The following TENM2 variants were observed in gnomAD, a reference collection of about 807,000 sequenced individuals.
TENM2 encodes teneurin transmembrane protein 2, also known as teneurin-2.
TENM2 carries 52 observed loss-of-function variants against 245.2 expected under a neutral mutation model. The observed-to-expected ratio is 0.21, with a 90% CI of 0.17 to 0.27. TENM2 has a LOEUF of 0.27. Ranked by LOEUF, TENM2 falls within the 10% of genes least tolerant of loss-of-function variation. TENM2 has a pLI of 1.00. For missense variants in TENM2, 3,046 were observed against 3,666.8 expected, an observed-to-expected ratio of 0.83 and a Z score of 4.37; for synonymous variants, 1,363 against 1,438.9, an observed-to-expected ratio of 0.95 and a Z score of 1.19.
At chr5:167,662,531 T>C (rs1378788671) in intron 2 of TENM2, among the ~76,000 whole-genome samples, 1 of 152,206 alleles carries the variant, frequency 6.6e-6, no homozygotes, top group Admixed American at 6.5e-5. Flanking sequence ...TCCACTTCCA[T>C]AAATCAGACT....
exon 18 of TENM2, chr5:168,203,760 G>C: frequency 6.2e-7 from 1 of 1,613,312 alleles, no homozygotes; most frequent in Non-Finnish European, 8.5e-7. Flanking sequence ...CCTCCTTCAG[G>C]GATTCGAGCT....
Position 167,886,789 on chromosome 5 carries a change from A to G in TENM2, c.712+10594A>G, listed in dbSNP as rs537505496. Among the ~76,000 whole-genome samples the G allele has an allele frequency of 3.3e-5, 5 of 152,202 alleles. No homozygotes were observed. In the East Asian group the frequency reaches 5.8e-4, roughly 18 times the overall value. On this transcript the variant is annotated intron_variant, in intron 3 of 28. Coordinates refer to ENST00000518659, the Ensembl canonical transcript of TENM2. ...GGCAAAACACTTAGTACAATGTTAAAACCCCAAAATAGTAGCTGTTTACTT... is the reference window on the plus strand; with the variant it reads ...GGCAAAACACTTAGTACAATGTTAAGACCCCAAAATAGTAGCTGTTTACTT...
the TENM2 span, among the ~76,000 whole-genome samples, chr5:167,089,777 C>T: frequency 1.3e-5 from 2 of 152,226 alleles, no homozygotes; most frequent in African/African-American, 4.8e-5. Flanking sequence ...AATATCACTT[C>T]GCTCAGGCCT....
At chr5:168,060,583 A>G (rs1280313940) in intron 6 of TENM2, among the ~76,000 whole-genome samples, 2 of 152,172 alleles carry the variant, frequency 1.3e-5, no homozygotes, top group Admixed American at 1.3e-4. Flanking sequence ...CCCTACTTTT[A>G]TTATCCTAGA....
intron 2 of TENM2, among the ~76,000 whole-genome samples, chr5:167,378,355 C>G (rs1017154373): frequency 1.3e-5 from 2 of 149,658 alleles, no homozygotes; most frequent in Non-Finnish European, 3.0e-5. Flanking sequence ...ACAGATGAAC[C>G]TGTCTTTCTT....
At chr5:167,153,395 A>C in the TENM2 span, among the ~76,000 whole-genome samples, 1 of 152,154 alleles carries the variant, frequency 6.6e-6, no homozygotes, top group Non-Finnish European at 1.5e-5. Flanking sequence ...TGTTTATTAA[A>C]TGGAAGTGGA....
intron 3 of TENM2, among the ~76,000 whole-genome samples, chr5:167,949,489 G>T (rs147482240): frequency 6.6e-6 from 1 of 152,200 alleles, no homozygotes; most frequent in Non-Finnish European, 1.5e-5. Context: ...TTTCATCCCT[G>T]AAAGAACCCA....
intron 4 of TENM2, among the ~76,000 whole-genome samples, chr5:167,992,673 G>A (rs369726620): frequency 2.0e-5 from 3 of 152,170 alleles, no homozygotes; most frequent in African/African-American, 7.2e-5. Context: ...GGAGGTGACA[G>A]TCATTCAGTT....
At chr5:167,565,727 G>T (rs1476855050) in intron 2 of TENM2, among the ~76,000 whole-genome samples, 1 of 152,130 alleles carries the variant, frequency 6.6e-6, no homozygotes, top group Non-Finnish European at 1.5e-5. Flanking sequence ...TTTAGCTAAT[G>T]CTATGTGCTG....
chr5:167,205,327 G>C, the TENM2 span, among the ~76,000 whole-genome samples: 2 of 152,174 alleles, frequency 1.3e-5, no homozygotes, highest in Non-Finnish European at 2.9e-5. Flanking sequence ...GTTGCAGTGA[G>C]CCAAGATCAC....
chr5:166,998,728 TA>T, the TENM2 span, among the ~76,000 whole-genome samples: 1 of 152,162 alleles, frequency 6.6e-6, no homozygotes, highest in Non-Finnish European at 1.5e-5. Context: ...AGTTATTAAA[TA>T]AATAAATACA....
chr5:167,431,961 G>GTATGTATATATA (rs1764269740), intron 2 of TENM2, among the ~76,000 whole-genome samples: 2 of 43,584 alleles, frequency 4.6e-5, no homozygotes, highest in Non-Finnish European at 1.4e-4. Context: ...ATATATATAT[G>GTATGTATATATA]TATATATATA....
intron 2 of TENM2, among the ~76,000 whole-genome samples, chr5:167,638,355 C>T (rs190375826): frequency 7.2e-5 from 11 of 152,244 alleles, no homozygotes; most frequent in African/African-American, 2.6e-4. Flanking sequence ...GTTAATAGCA[C>T]CCCAAGTCTG....
At chr5:167,790,580 T>G (rs749089490) in intron 2 of TENM2, among the ~76,000 whole-genome samples, 11 of 152,252 alleles carry the variant, frequency 7.2e-5, no homozygotes, top group Non-Finnish European at 2.9e-5. Flanking sequence ...GCCTGGACCC[T>G]TCAGATTATA....
At chr5:167,792,388 G>A (rs1002791764) in intron 2 of TENM2, among the ~76,000 whole-genome samples, 1 of 152,042 alleles carries the variant, frequency 6.6e-6, no homozygotes, top group African/African-American at 2.4e-5. Flanking sequence ...GCACATTTTG[G>A]GAGGAGATTC....
chr5:167,405,964 A>T (rs1762616597), intron 2 of TENM2, among the ~76,000 whole-genome samples: 1 of 152,104 alleles, frequency 6.6e-6, no homozygotes, highest in South Asian at 2.1e-4. Context: ...AGTGTTGTTT[A>T]TCATAGGCTG....
the TENM2 span, among the ~76,000 whole-genome samples, chr5:166,996,202 G>T: frequency 6.6e-6 from 1 of 152,154 alleles, no homozygotes; most frequent in East Asian, 2.0e-4. Flanking sequence ...AATTAGCCGG[G>T]CGTGGTGGCG....
At chr5:168,109,409 A>G (rs1446780122) in intron 9 of TENM2, among the ~76,000 whole-genome samples, 2 of 152,228 alleles carry the variant, frequency 1.3e-5, no homozygotes, top group African/African-American at 2.4e-5. Context: ...TCCTTGTGTC[A>G]TACGTCATGA....
In TENM2 at chr5:168,247,422, G is replaced by C; in HGVS notation, c.6483G>C (p.Lys2161Asn). 2 of 1,613,978 alleles carry C rather than the reference G, an allele frequency of 1.2e-6. No individual in the cohort carries two copies. The highest frequency in any genetic ancestry group is 1.7e-6 in the Non-Finnish European group (2 of 1,179,884). ...ACTTCGACACCCATGGGCGGATCAA[G>C]GAGGTCCAGTATGAGATGTTCCGGT... The change falls in exon 27 of 29, where the codon AAG (lysine) becomes AAC (asparagine). Residue 2161 changes from lysine (K) to asparagine (N), a missense_variant. By Grantham distance (94) the Lys-to-Asn change is moderately conservative. This residue lies in a region of TENM2 where 2,704 missense variants were observed against 3,331.9 expected (regional missense o/e 0.81). Transcript: ENST00000518659. This position sits in a 1 kb window ranked among gnomAD's most constrained non-coding sequence, Gnocchi z 7.8.
Sources: allele counts gnomAD v4.1 joint callset (sites outside exome capture counted in the v4.1 genomes callset), GRCh38; gene constraint gnomAD v4.1.1; regional missense constraint gnomAD v4.1.1; non-coding constraint Gnocchi (gnomAD v3.1); transcripts MANE v1.5; gene names NCBI Gene and HGNC (gene_info 2026-07-23, HGNC 2026-07-21).